TLE3: variants seen among roughly 807,000 people sequenced by gnomAD.
TLE3 encodes the protein transducin-like enhancer protein 3.
In TLE3, 14 loss-of-function variants were observed where a neutral mutation model predicts 93.0. The ratio of observed to expected loss-of-function variants is 0.15; its 90% CI spans 0.10 to 0.24. The LOEUF (loss-of-function observed/expected upper bound fraction) is 0.24, where lower values mean the gene tolerates loss of function less well. Ranked by LOEUF, TLE3 falls within the 10% of genes least tolerant of loss-of-function variation. The pLI is 1.00. For missense variants in TLE3, 693 were observed against 1,046.6 expected (o/e 0.66, Z 4.66); for synonymous variants, 451 against 425.0 (o/e 1.06, Z -0.75).
In TLE3 at chr15:70,097,406, GC is replaced by G. The variant is rs989667894; in HGVS notation, c.-609del. On this transcript the variant is annotated 5_prime_UTR_variant, in exon 1 of 20. Transcript: ENST00000451782. The stretch of plus-strand genomic sequence containing the variant: ...GGGAGCCCGGCGCGGGCGCTTCGAC[GC>G]CCCCCCTCGGAGAGGAGAGCCTGCT... 2.9e-5 allele frequency: 12 copies of G among 409,664 alleles called. No individual in the cohort carries two copies. Among genetic ancestry groups the G allele is most frequent in the South Asian group, 2.6e-4 (3 of 11,466 alleles). 25.4% of individuals were successfully genotyped at this position (409,664 alleles called of 1,614,324 possible).
chr15:70,050,245 G>C, intron 19 of TLE3, 41 bp from the exon 20 acceptor site: 1 of 1,485,610 alleles, frequency 6.7e-7, no homozygotes, highest in Non-Finnish European at 9.4e-7. Flanking sequence ...GAAGGCGTGG[G>C]GTGCAGGGAG....
intron 10 of TLE3, among the ~76,000 whole-genome samples, chr15:70,059,053 T>C (rs1337438969): frequency 2.0e-5 from 3 of 152,202 alleles, no homozygotes; most frequent in African/African-American, 7.2e-5. Context: ...TCAATCAGCA[T>C]GGCTGGGTTT....
In TLE3 at chr15:70,097,307, T is replaced by G; in HGVS notation, c.-509A>C. On this transcript the variant is annotated 5_prime_UTR_variant, in exon 1 of 20. Coordinates refer to ENST00000451782, the MANE Select transcript of TLE3 (RefSeq NM_001105192.3). ...TCCTAGAGGCGTCCGGGCCTGGGGC[T>G]CGCGGCGAGAAGAGGAAGGAGGCGG... The G allele has an allele frequency of 2.5e-6, 1 of 400,858 alleles. No individual in the cohort carries two copies. Among genetic ancestry groups the G allele is most frequent in the Non-Finnish European group, 4.4e-6 (1 of 227,720 alleles). The allele number at this position is 400,858 out of a possible 1,614,324, so 24.8% of individuals were successfully genotyped here.
intron 19 of TLE3, 187 bp from the exon 20 acceptor site, chr15:70,050,391 G>A: frequency 3.8e-6 from 2 of 533,072 alleles, no homozygotes; most frequent in Non-Finnish European, 6.8e-6. Context: ...AGGCTTTAAA[G>A]CACCCATGAA....
At chr15:70,056,411 G>A in intron 13 of TLE3, 37 bp from the exon 14 acceptor site, 1 of 1,589,320 alleles carries the variant, frequency 6.3e-7, no homozygotes, top group Non-Finnish European at 8.6e-7. Flanking sequence ...CATCAGCCGT[G>A]CTGCCACACA....
Position 70,053,326 on chromosome 15 carries a change from A to G in TLE3, c.1875T>C (p.His625=), listed in dbSNP as rs2055713219. The G allele has an allele frequency of 6.2e-7, 1 of 1,609,440 alleles. No homozygotes were observed. The highest frequency in any genetic ancestry group is 8.5e-7 in the Non-Finnish European group (1 of 1,177,874). Residue 625 remains histidine, a synonymous_variant, in exon 17 of 20, where the codon CAT becomes CAC. Transcript: ENST00000451782. Reference sequence around the variant, plus strand: ...CCCCTGTCCACAGTTTGGTGCCATCATGGGAGATGTCTATGCAGCTGGCCC... The same window carrying G: ...CCCCTGTCCACAGTTTGGTGCCATCGTGGGAGATGTCTATGCAGCTGGCCC... ...TDGASCIDIS[H]DGTKLWTGGL...
At chr15:70,091,265 C>A (rs1364061406) in intron 4 of TLE3, among the ~76,000 whole-genome samples, 2 of 152,264 alleles carry the variant, frequency 1.3e-5, no homozygotes, top group Admixed American at 6.5e-5. Context: ...TGGCTCAAGT[C>A]CACTTTCAAA....
chr15:70,052,534 G>A lies in TLE3; in HGVS notation c.1975-10C>T. The stretch of plus-strand genomic sequence containing the variant: ...AGCCCAGCGAGAAGATCTGCAGGTG[G>A]TGGGAGGGCAGATGGACTGAGCTCA... On this transcript the variant is annotated splice_polypyrimidine_tract_variant and intron_variant, in intron 17 of 19. Coordinates refer to ENST00000451782, the MANE Select transcript of TLE3 (RefSeq NM_001105192.3). 1 of 1,611,752 alleles carries A rather than the reference G, an allele frequency of 6.2e-7. No homozygotes were observed. The highest frequency in any genetic ancestry group is 1.1e-5 in the South Asian group (1 of 90,790).
intron 6 of TLE3, among the ~76,000 whole-genome samples, chr15:70,072,333 G>A (rs1284113678): frequency 6.6e-6 from 1 of 152,200 alleles, no homozygotes; most frequent in Non-Finnish European, 1.5e-5. Context: ...CAAAGAGGGG[G>A]GCAGAGGGTG....
At chr15:70,063,123 C>T (rs192051128) in intron 8 of TLE3, among the ~76,000 whole-genome samples, 7 of 152,230 alleles carry the variant, frequency 4.6e-5, no homozygotes, top group Admixed American at 4.6e-4. Context: ...AAGGGTCTTC[C>T]GAAACAAAGC....
At chr15:70,083,983 A>C (rs1413611199) in intron 4 of TLE3, among the ~76,000 whole-genome samples, 3 of 152,242 alleles carry the variant, frequency 2.0e-5, no homozygotes, top group Non-Finnish European at 4.4e-5. Flanking sequence ...TCTCCAAATA[A>C]GGAAGGCAGG....
Position 70,097,107 on chromosome 15 carries a change from G to T in TLE3, c.-309C>A. 2.1e-6 allele frequency: 1 copy of T among 465,308 alleles called. No individual in the cohort carries two copies. The highest frequency in any genetic ancestry group is 3.6e-5 in the East Asian group (1 of 27,860). The allele number at this position is 465,308 out of a possible 1,614,324, so 28.8% of individuals were successfully genotyped here. ...GCCTTCCCTGGGCTGCGTCGAGCGCGTCAATGCCTGGGACTGCGCGGACAT... is the reference window on the plus strand; with the variant it reads ...GCCTTCCCTGGGCTGCGTCGAGCGCTTCAATGCCTGGGACTGCGCGGACAT... On this transcript the variant is annotated 5_prime_UTR_variant, in exon 1 of 20. Coordinates refer to ENST00000451782, the MANE Select transcript of TLE3 (RefSeq NM_001105192.3).
chr15:70,082,863 G>A (rs779724785), intron 4 of TLE3, among the ~76,000 whole-genome samples: 1 of 152,160 alleles, frequency 6.6e-6, no homozygotes, highest in Non-Finnish European at 1.5e-5. Context: ...ACCGATCAAC[G>A]GCAAGGGACT....
In TLE3 at chr15:70,058,969, A is replaced by T. The variant is rs2056284445; in HGVS notation, c.766-154T>A. On this transcript the variant is annotated intron_variant, in intron 10 of 19. Transcript: ENST00000451782. This position sits in a 1 kb window ranked among gnomAD's most constrained non-coding sequence, Gnocchi z 4.1. ...CCACAGTGAGGAAAAACTAGCTCTT[A>T]ACCATCTGGTCTGACTGAGGCCTAG... 6.6e-6 allele frequency among the ~76,000 whole-genome samples: 1 copy of T among 152,168 alleles called. No individual in the cohort carries two copies. The highest frequency in any genetic ancestry group is 6.5e-5 in the Admixed American group (1 of 15,284).
intron 8 of TLE3, among the ~76,000 whole-genome samples, chr15:70,061,486 G>C (rs1231277155): frequency 6.6e-6 from 1 of 152,126 alleles, no homozygotes; most frequent in African/African-American, 2.4e-5. Flanking sequence ...TTTGGGATGG[G>C]AGGCCTGGGA....
chr15:70,081,568 A>G (rs761475587), intron 4 of TLE3, among the ~76,000 whole-genome samples: 9 of 152,238 alleles, frequency 5.9e-5, no homozygotes, highest in Non-Finnish European at 1.0e-4. Flanking sequence ...AAAAGGGAAG[A>G]CTGGTTGGTG....
intron 6 of TLE3, among the ~76,000 whole-genome samples, chr15:70,073,160 T>C (rs1180887708): frequency 6.6e-6 from 1 of 152,114 alleles, no homozygotes. Context: ...AGGGCCGGTG[T>C]CCATAAGTGT....
At position 70,066,230 on chromosome 15, in the gene TLE3, TCGGTGGTGAGTA is replaced by T; in HGVS notation, c.373-24_373-13del. ...TGGAGCTGCTGCTGCTGCAATGAAG[TCGGTGGTGAGTA>T]CAGCTGAGTTGGGGAGGGCAGGGGA... On this transcript the variant is annotated splice_polypyrimidine_tract_variant and intron_variant, in intron 6 of 19. Transcript: ENST00000451782. 6.6e-7 allele frequency: 1 copy of T among 1,517,920 alleles called. No individual in the cohort carries two copies. Among genetic ancestry groups the T allele is most frequent in the Non-Finnish European group, 8.8e-7 (1 of 1,133,966 alleles). 94.0% of individuals were successfully genotyped at this position (1,517,920 alleles called of 1,614,324 possible). A position where few individuals can be genotyped will look rare whatever the true frequency, so the allele number is the denominator to read the frequency against.
At chr15:70,060,785 T>A in intron 8 of TLE3, 136 bp from the exon 9 acceptor site, 1 of 1,470,660 alleles carries the variant, frequency 6.8e-7, no homozygotes, top group Non-Finnish European at 9.2e-7. Context: ...GCCCTGCAGA[T>A]CGTGGCTCCA....
Sources: allele counts gnomAD v4.1 joint callset (sites outside exome capture counted in the v4.1 genomes callset), GRCh38; gene constraint gnomAD v4.1.1; non-coding constraint Gnocchi (gnomAD v3.1); transcripts MANE v1.5; gene names NCBI Gene and HGNC (gene_info 2026-07-23, HGNC 2026-07-21).